The following TUT7 variants were observed in gnomAD, a reference collection of about 807,000 sequenced individuals.
TUT7 encodes the protein terminal uridylyl transferase 7, also known as terminal uridylyltransferase 7.
A neutral mutation model predicts 165.9 loss-of-function variants in TUT7; 33 were observed. The observed-to-expected ratio is 0.20, with a 90% CI of 0.15 to 0.27. TUT7 has a LOEUF of 0.27. Among genes scored for constraint, TUT7 ranks in the 10% least tolerant of loss-of-function variants. TUT7 has a pLI of 1.00. For missense variants in TUT7, 1,338 were observed against 1,762.3 expected, an observed-to-expected ratio of 0.76 and a Z score of 4.31; for synonymous variants, 552 against 608.1, an observed-to-expected ratio of 0.91 and a Z score of 1.36.
Position 86,346,373 on chromosome 9 carries a change from A to C in TUT7, c.628T>G (p.Ser210Ala). Residue 210 changes from serine to alanine, a missense_variant, in exon 3 of 27, where the codon TCA becomes GCA. Physicochemically the swap from Ser to Ala is moderately conservative, Grantham distance 99. Coordinates refer to ENST00000375963, the MANE Select transcript of TUT7 (RefSeq NM_024617.4). The stretch of plus-strand genomic sequence containing the variant: ...TGTAAGCCTAGCAGCTCCTTCGTTG[A>C]AAGTACAGACTCATCGATCACAGGG... The part of the protein sequence containing the change: ...EGPVIDESVL[S>A]TKELLGLQQA... 2 of 1,614,050 alleles carry C rather than the reference A, an allele frequency of 1.2e-6. No homozygotes were observed. The highest frequency in any genetic ancestry group is 1.7e-6 in the Non-Finnish European group (2 of 1,179,968).
rs1384333176 is a variant in TUT7 at position 86,310,709 on chromosome 9, T to C, written c.3375A>G (p.Thr1125=). Residue 1125 remains threonine (T), a synonymous_variant, in exon 18 of 27, where the codon ACA becomes ACG. Transcript: ENST00000375963. ...AAAAGCCTGAAAAAAATCTTACCAA[T>C]GTGTTATACAAACTGATATCTACTT... is the stretch of plus-strand genomic sequence containing the variant. ...GLEVDISLYN[T]LALHNTRLLS... is the part of the protein sequence containing the mutation. 1.9e-6 allele frequency: 3 copies of C among 1,578,986 alleles called. No homozygotes were observed. The highest frequency in any genetic ancestry group is 1.7e-5 in the Admixed American group (1 of 59,372).
rs936083599 is a variant in TUT7 at position 86,288,513 on chromosome 9, T to G, written c.*164A>C. 66 of 491,434 alleles carry G rather than the reference T, an allele frequency of 1.3e-4. 1 individual carries two copies. The highest frequency in any genetic ancestry group is 1.2e-3 in the Middle Eastern group (4 of 3,402). 30.4% of individuals were successfully genotyped at this position (491,434 alleles called of 1,614,324 possible). A position where few individuals can be genotyped will look rare whatever the true frequency, so the allele number is the denominator to read the frequency against. ...TGGTAGATAAGACTATATTAAAAAT[T>G]TTTCCTCATTAACAATTTCATTAAA... On this transcript the variant is annotated 3_prime_UTR_variant, in exon 27 of 27. Coordinates refer to ENST00000375963, the MANE Select transcript of TUT7 (RefSeq NM_024617.4).
At chr9:86,325,786 C>G (rs549806630) in intron 11 of TUT7, among the ~76,000 whole-genome samples, 2 of 152,180 alleles carry the variant, frequency 1.3e-5, no homozygotes, top group Non-Finnish European at 2.9e-5. Flanking sequence ...GACAGAGCTC[C>G]TAATTTTGAA....
chr9:86,312,016 G>A (rs1410778145), intron 17 of TUT7, among the ~76,000 whole-genome samples: 1 of 152,348 alleles, frequency 6.6e-6, no homozygotes, highest in East Asian at 1.9e-4. Flanking sequence ...AAAGTGCTGA[G>A]ATTGCAGCCT....
intron 24 of TUT7, among the ~76,000 whole-genome samples, chr9:86,303,548 G>A (rs2131315720): frequency 6.6e-6 from 1 of 152,198 alleles, no homozygotes. Flanking sequence ...CTCATCAAAT[G>A]AAAAGGCTAA....
chr9:86,301,528 C>G lies in TUT7; in HGVS notation c.4168G>C (p.Glu1390Gln). The G allele has an allele frequency of 6.2e-7, 1 of 1,613,818 alleles. No individual in the cohort carries two copies. The highest frequency in any genetic ancestry group is 8.5e-7 in the Non-Finnish European group (1 of 1,179,986). The change falls in exon 26 of 27, where the codon GAG becomes CAG. Residue 1390 changes from glutamate to glutamine, a missense_variant. Glu to Gln is a conservative substitution (Grantham distance 29). Transcript: ENST00000375963. ...YPENKEKRSK[E>Q]DKEIHNKYTE... ...TACTTGTTGTGAATTTCTTTGTCCT[C>G]TTTGCTTCTTTTTTCCTTGTTCTCA...
chr9:86,351,032 G>T (rs903000707), intron 2 of TUT7, among the ~76,000 whole-genome samples: 2 of 151,836 alleles, frequency 1.3e-5, no homozygotes, highest in African/African-American at 2.4e-5. Context: ...TACTTGGGAG[G>T]CTGAGACATG....
Position 86,340,344 on chromosome 9 carries a change from C to T in TUT7, c.1139-239G>A, listed in dbSNP as rs1831224582. Among the ~76,000 whole-genome samples the T allele has an allele frequency of 2.6e-5, 4 of 152,172 alleles. No individual in the cohort carries two copies. The South Asian group carries it at 8.3e-4, about 32-fold the overall frequency. ...AATGTTTCATTATAAGTGACTACAT[C>T]ATTGGATCAGAAAATTCAAATGTTA... On this transcript the variant is annotated intron_variant, in intron 7 of 26. Coordinates refer to ENST00000375963, the MANE Select transcript of TUT7 (RefSeq NM_024617.4).
rs1422705600 is a variant in TUT7, at chr9:86,323,282, A to G, written c.2468T>C (p.Leu823Pro). The G allele has an allele frequency of 6.2e-7, 1 of 1,614,144 alleles. No homozygotes were observed. Among genetic ancestry groups the G allele is most frequent in the Admixed American group, 1.7e-5 (1 of 59,992 alleles). ...DGESTEGTEE[L>P]EDSLNHFTHS... ...GGTAAAGTGGTTTAGAGAGTCTTCTAGTTCCTCAGTACCTTCTGTACTTTC... is the reference window on the plus strand; with the variant it reads ...GGTAAAGTGGTTTAGAGAGTCTTCTGGTTCCTCAGTACCTTCTGTACTTTC... The change falls in exon 13 of 27, where the codon CTA (leucine) becomes CCA (proline). Residue 823 changes from leucine (L) to proline (P), a missense_variant. Physicochemically the swap from Leu to Pro is moderately conservative, Grantham distance 98. Coordinates refer to ENST00000375963, the MANE Select transcript of TUT7 (RefSeq NM_024617.4).
chr9:86,337,782 G>A (rs1012910948), intron 9 of TUT7, among the ~76,000 whole-genome samples: 4 of 152,142 alleles, frequency 2.6e-5, no homozygotes, highest in African/African-American at 7.2e-5. Context: ...ACTTGTGGAT[G>A]GCCCTAAAAT....
intron 10 of TUT7, 104 bp downstream of exon 10, chr9:86,337,315 T>C: frequency 5.8e-6 from 7 of 1,216,854 alleles, no homozygotes; most frequent in Admixed American, 2.4e-5. Context: ...AATAAATCCA[T>C]GTCAGTTCTG....
chr9:86,307,198 C>T (rs1367195111), intron 22 of TUT7, among the ~76,000 whole-genome samples: 4 of 151,686 alleles, frequency 2.6e-5, no homozygotes, highest in African/African-American at 7.3e-5. Context: ...CACTTGAACC[C>T]GGGAGGTGGA....
At chr9:86,308,772 A>G (rs535411958) in intron 21 of TUT7, among the ~76,000 whole-genome samples, 166 bp from the exon 22 acceptor site, 15 of 152,252 alleles carry the variant, frequency 9.9e-5, no homozygotes, top group Non-Finnish European at 1.8e-4. Flanking sequence ...AAGTTTATTA[A>G]TCTCTACTCT....
rs748709325 is a variant in TUT7, at chr9:86,309,982, G to A, written c.3414C>T (p.Ser1138=). ...LHNTRLLSAY[S]AIDPRVKYLC... ...AATACTTCACTCTGGGATCAATGGC[G>A]GAATAAGCAGATAAAAGCCTTGTGT... Residue 1138 remains serine (S), a synonymous_variant, in exon 19 of 27, where the codon TCC becomes TCT. Transcript: ENST00000375963. The A allele has an allele frequency of 6.2e-6, 10 of 1,613,640 alleles. No individual in the cohort carries two copies. The highest frequency in any genetic ancestry group is 3.3e-5 in the Admixed American group (2 of 59,982).
chr9:86,349,434 G>C (rs1288312030), intron 2 of TUT7, among the ~76,000 whole-genome samples: 4 of 152,212 alleles, frequency 2.6e-5, no homozygotes, highest in African/African-American at 9.6e-5. Context: ...ATGTGTATTT[G>C]AGTGGATGCT....
At chr9:86,329,649 G>T (rs1408732465) in intron 10 of TUT7, among the ~76,000 whole-genome samples, 1 of 152,106 alleles carries the variant, frequency 6.6e-6, no homozygotes, top group Non-Finnish European at 1.5e-5. Flanking sequence ...CTACTTCATT[G>T]GTTTAGAAGA....
intron 16 of TUT7, among the ~76,000 whole-genome samples, chr9:86,318,159 G>A (rs1200868187): frequency 6.6e-6 from 1 of 152,182 alleles, no homozygotes; most frequent in Non-Finnish European, 1.5e-5. Context: ...TGCTGTTAAG[G>A]ATTTAAAAGA....
At chr9:86,354,067 G>C (rs1832536263) in intron 1 of TUT7, among the ~76,000 whole-genome samples, 1 of 152,218 alleles carries the variant, frequency 6.6e-6, no homozygotes, top group African/African-American at 2.4e-5. Flanking sequence ...GTGACCTGCT[G>C]TCTCCATGGG....
At chr9:86,339,977 A>T (rs755794751) in intron 8 of TUT7, 59 bp downstream of exon 8, 2 of 1,303,716 alleles carry the variant, frequency 1.5e-6, no homozygotes, top group Non-Finnish European at 2.2e-6. Context: ...GATGTAGTAA[A>T]GTACTTGTGC....
Sources: gnomAD v4.1 joint callset for allele counts (sites outside exome capture counted in the v4.1 genomes callset) on GRCh38, gnomAD v4.1.1 for gene constraint, MANE v1.5 for transcripts, NCBI Gene and HGNC (gene_info 2026-07-23, HGNC 2026-07-21) for gene names.